Variants in NRXN3 observed in about 807,000 individuals in gnomAD.
The protein encoded by NRXN3 is neurexin 3.
NRXN3 carries 32 observed loss-of-function variants against 137.6 expected under a neutral mutation model. The ratio of observed to expected loss-of-function variants is 0.23; its 90% CI spans 0.18 to 0.31. The LOEUF is 0.31. Ranked by LOEUF, NRXN3 falls within the 10% of genes least tolerant of loss-of-function variation. The pLI is 1.00. For missense variants in NRXN3, 1,574 were observed against 2,062.5 expected, an observed-to-expected ratio of 0.76 and a Z score of 4.59; for synonymous variants, 798 against 784.5, an observed-to-expected ratio of 1.02 and a Z score of -0.29.
intron 4 of NRXN3, among the ~76,000 whole-genome samples, chr14:78,389,972 A>G (rs1356450539): frequency 1.3e-5 from 2 of 152,204 alleles, no homozygotes; most frequent in South Asian, 2.1e-4. Flanking sequence ...TAAGTAATTC[A>G]TCTTATCCCT....
At chr14:79,491,267 T>C (rs145211220) in intron 16 of NRXN3, among the ~76,000 whole-genome samples, 2 of 152,272 alleles carry the variant, frequency 1.3e-5, no homozygotes, top group East Asian at 3.9e-4. Flanking sequence ...GCCCAGGTTC[T>C]TTCTCCTAAC....
At chr14:78,443,979 C>G (rs2094337224) in intron 4 of NRXN3, among the ~76,000 whole-genome samples, 1 of 152,154 alleles carries the variant, frequency 6.6e-6, no homozygotes, top group African/African-American at 2.4e-5. Context: ...TTTTCACCAA[C>G]CTAATAGTTT....
intron 19 of NRXN3, among the ~76,000 whole-genome samples, chr14:79,782,517 T>A (rs939608985): frequency 1.3e-5 from 2 of 152,202 alleles, no homozygotes; most frequent in Non-Finnish European, 2.9e-5. Context: ...ACCCATTGGA[T>A]GGGGCTAGTA....
chr14:78,782,227 C>T (rs1033437247), intron 8 of NRXN3, among the ~76,000 whole-genome samples: 2 of 152,210 alleles, frequency 1.3e-5, no homozygotes, highest in African/African-American at 2.4e-5. Context: ...TCCAGCTCCT[C>T]CATAGAGTAG....
intron 8 of NRXN3, among the ~76,000 whole-genome samples, chr14:78,736,140 T>C (rs1339649060): frequency 8.3e-6 from 1 of 121,168 alleles, no homozygotes; most frequent in Non-Finnish European, 2.0e-5. Flanking sequence ...TAGATCCATG[T>C]ATCTTATTCT....
chr14:78,359,239 T>C (rs2084761674), intron 4 of NRXN3, among the ~76,000 whole-genome samples: 1 of 152,168 alleles, frequency 6.6e-6, no homozygotes, highest in Non-Finnish European at 1.5e-5. Flanking sequence ...TGGGGAGCTT[T>C]AAAAAATTCT....
intron 10 of NRXN3, among the ~76,000 whole-genome samples, chr14:78,890,681 A>T (rs2099156427): frequency 6.6e-6 from 1 of 151,962 alleles, no homozygotes. Context: ...TATTGTAATA[A>T]CAAAAGGGAA....
intron 15 of NRXN3, among the ~76,000 whole-genome samples, chr14:79,321,103 A>G (rs1272206685): frequency 6.6e-6 from 1 of 152,032 alleles, no homozygotes; most frequent in Non-Finnish European, 1.5e-5. Flanking sequence ...ATTTCTCATG[A>G]TATCAGTTTT....
chr14:78,366,076 C>T (rs1268478384), intron 4 of NRXN3, among the ~76,000 whole-genome samples: 1 of 152,026 alleles, frequency 6.6e-6, no homozygotes, highest in Non-Finnish European at 1.5e-5. Context: ...TCAGTTTCTT[C>T]CTCTGTAAAT....
intron 16 of NRXN3, among the ~76,000 whole-genome samples, chr14:79,561,313 C>T (rs1475079865): frequency 6.6e-6 from 1 of 152,118 alleles, no homozygotes; most frequent in African/African-American, 2.4e-5. Flanking sequence ...ACATACGAGT[C>T]TGCCTTCTCT....
At chr14:78,487,141 T>C (rs10133574) in intron 4 of NRXN3, among the ~76,000 whole-genome samples, 3,513 of 152,286 alleles carry the variant, frequency 0.023, 132 homozygotes, top group African/African-American at 0.081. Context: ...TGAGCTATTT[T>C]TTTACTCATT....
At chr14:78,407,215 A>G (rs980223853) in intron 4 of NRXN3, among the ~76,000 whole-genome samples, 6 of 152,104 alleles carry the variant, frequency 3.9e-5, no homozygotes, top group Admixed American at 1.3e-4. Flanking sequence ...TTTCTTTTCC[A>G]GAAAAGCAAA....
At chr14:78,678,962 T>C (rs2098042246) in intron 6 of NRXN3, among the ~76,000 whole-genome samples, 1 of 152,124 alleles carries the variant, frequency 6.6e-6, no homozygotes, top group African/African-American at 2.4e-5. Flanking sequence ...TACTCTGGCC[T>C]CAATTGCTCA....
intron 15 of NRXN3, among the ~76,000 whole-genome samples, chr14:79,214,007 C>T (rs1210060248): frequency 6.6e-6 from 1 of 152,198 alleles, no homozygotes; most frequent in African/African-American, 2.4e-5. Context: ...GAAATGAAAA[C>T]ACTTTATAGT....
intron 10 of NRXN3, among the ~76,000 whole-genome samples, chr14:78,823,609 G>T (rs1000921704): frequency 8.5e-5 from 13 of 152,174 alleles, no homozygotes; most frequent in African/African-American, 3.1e-4. Flanking sequence ...CTCATAAAGG[G>T]TTGCAGCCTG....
At chr14:79,476,137 T>C (rs2096557614) in intron 16 of NRXN3, among the ~76,000 whole-genome samples, 1 of 152,124 alleles carries the variant, frequency 6.6e-6, no homozygotes, top group Admixed American at 6.6e-5. Flanking sequence ...CCTGAAGCTA[T>C]AGATGATGGA....
At chr14:78,454,664 G>A (rs1036981298) in intron 4 of NRXN3, among the ~76,000 whole-genome samples, 3 of 152,198 alleles carry the variant, frequency 2.0e-5, no homozygotes, top group Non-Finnish European at 4.4e-5. Context: ...GATCTATGAT[G>A]AGAAAAACAT....
chr14:79,130,994 T>C (rs531362094), intron 15 of NRXN3, among the ~76,000 whole-genome samples: 1 of 152,372 alleles, frequency 6.6e-6, no homozygotes, highest in Non-Finnish European at 1.5e-5. Flanking sequence ...TTCTGCATTC[T>C]TCACGTAGTT....
chr14:78,229,895 GA>G (rs1555415154), intron 1 of NRXN3, among the ~76,000 whole-genome samples: 1 of 152,140 alleles, frequency 6.6e-6, no homozygotes, highest in Non-Finnish European at 1.5e-5. Flanking sequence ...AATAAGTGGG[GA>G]CCTAAGGATG....
Sources: allele counts gnomAD v4.1 joint callset (sites outside exome capture counted in the v4.1 genomes callset), GRCh38; gene constraint gnomAD v4.1.1; transcripts MANE v1.5; gene names NCBI Gene and HGNC (gene_info 2026-07-23, HGNC 2026-07-21).